The following RABGAP1L variants were observed in gnomAD, a reference collection of about 807,000 sequenced individuals.
RABGAP1L encodes RAB GTPase activating protein 1 like, also known as rab GTPase-activating protein 1-like.
In RABGAP1L, 63 loss-of-function variants were observed where a neutral mutation model predicts 137.7. The observed-to-expected ratio is 0.46, with a 90% CI of 0.37 to 0.56. The LOEUF is 0.56. Ranked by LOEUF, RABGAP1L falls within the 20% of genes least tolerant of loss-of-function variation. The probability of loss-of-function intolerance (pLI) is 0.00; values close to 1 mark genes in which losing one functional copy is unlikely to be tolerated. For synonymous variants in RABGAP1L, 431 were observed against 433.7 expected, an observed-to-expected ratio of 0.99 and a Z score of 0.08; for missense variants, 1,095 against 1,244.0, an observed-to-expected ratio of 0.88 and a Z score of 1.80.
chr1:174,711,369 G>A (rs891338780), intron 17 of RABGAP1L, among the ~76,000 whole-genome samples: 2 of 152,122 alleles, frequency 1.3e-5, no homozygotes, highest in Non-Finnish European at 2.9e-5. Context: ...GTGAGTGAGG[G>A]CTGCCGGCAC....
At chr1:174,326,442 C>G (rs1283723167) in intron 11 of RABGAP1L, among the ~76,000 whole-genome samples, 3 of 152,060 alleles carry the variant, frequency 2.0e-5, no homozygotes, top group Non-Finnish European at 2.9e-5. Flanking sequence ...GCATCACCAG[C>G]AGAATTCATC....
chr1:174,569,975 T>C (rs755739937), intron 13 of RABGAP1L, among the ~76,000 whole-genome samples: 15 of 152,206 alleles, frequency 9.9e-5, no homozygotes, highest in Non-Finnish European at 1.6e-4. Flanking sequence ...AAAAATGATA[T>C]CTAACTTTAA....
chr1:174,559,143 T>G (rs1667056991), intron 13 of RABGAP1L, among the ~76,000 whole-genome samples: 1 of 152,216 alleles, frequency 6.6e-6, no homozygotes, highest in South Asian at 2.1e-4. Flanking sequence ...AAATACCATG[T>G]GTTTTATCAT....
At chr1:174,900,541 C>T (rs1221030836) in intron 19 of RABGAP1L, among the ~76,000 whole-genome samples, 1 of 152,156 alleles carries the variant, frequency 6.6e-6, no homozygotes, top group African/African-American at 2.4e-5. Context: ...ATTCACATTC[C>T]TGTCATTACT....
chr1:174,708,300 T>C (rs757548958), intron 17 of RABGAP1L, among the ~76,000 whole-genome samples: 1 of 152,088 alleles, frequency 6.6e-6, no homozygotes, highest in East Asian at 1.9e-4. Flanking sequence ...AAAAAACTCA[T>C]CAGAATGAGC....
intron 14 of RABGAP1L, among the ~76,000 whole-genome samples, chr1:174,672,189 G>T (rs1677230947): frequency 6.7e-6 from 1 of 150,346 alleles, no homozygotes; most frequent in African/African-American, 2.4e-5. Context: ...TTTTATCTCT[G>T]ATTTTGAGTC....
intron 11 of RABGAP1L, among the ~76,000 whole-genome samples, chr1:174,350,881 G>C (rs1683102272): frequency 2.9e-5 from 3 of 102,144 alleles, no homozygotes; most frequent in Non-Finnish European, 6.1e-5. Flanking sequence ...TCGCGGTTAG[G>C]GGCTGGAGAC....
intron 17 of RABGAP1L, among the ~76,000 whole-genome samples, chr1:174,719,001 G>A (rs1167233541): frequency 1.3e-5 from 2 of 151,804 alleles, no homozygotes; most frequent in African/African-American, 4.8e-5. Context: ...TACTATGCCT[G>A]GATATTTCTG....
chr1:174,258,809 G>T lies in RABGAP1L; in HGVS notation c.986+6219G>T, dbSNP rs543755186. Among the ~76,000 whole-genome samples, 46 of 151,412 alleles carry T rather than the reference G, an allele frequency of 3.0e-4. 1 individual carries two copies. The East Asian group carries it at 9.0e-3, about 30-fold the overall frequency. ...TGTTTGTTTTTGGTGACAGGACCTCGCTGTGTTGCCCAGACTGGAGTGCAG... is the reference window on the plus strand; with the variant it reads ...TGTTTGTTTTTGGTGACAGGACCTCTCTGTGTTGCCCAGACTGGAGTGCAG... On this transcript the variant is annotated intron_variant, in intron 7 of 25. Coordinates refer to ENST00000681986, the MANE Select transcript of RABGAP1L (RefSeq NM_001366446.1).
chr1:174,896,261 A>T (rs1203876070), intron 19 of RABGAP1L, among the ~76,000 whole-genome samples: 1 of 152,180 alleles, frequency 6.6e-6, no homozygotes, highest in Non-Finnish European at 1.5e-5. Context: ...GTGTCTGTTC[A>T]TATCCTTCAC....
At chr1:174,222,184 G>T (rs1213093072) in intron 3 of RABGAP1L, among the ~76,000 whole-genome samples, 1 of 152,108 alleles carries the variant, frequency 6.6e-6, no homozygotes, top group African/African-American at 2.4e-5. Context: ...GATTGGACCA[G>T]TGAAACCATT....
At chr1:174,928,903 C>T (rs1228948215) in intron 19 of RABGAP1L, among the ~76,000 whole-genome samples, 3 of 152,062 alleles carry the variant, frequency 2.0e-5, no homozygotes, top group Non-Finnish European at 2.9e-5. Context: ...ACAAATATAG[C>T]AGTGATTTTC....
intron 19 of RABGAP1L, among the ~76,000 whole-genome samples, chr1:174,942,515 G>T (rs193249416): frequency 2.0e-4 from 30 of 152,310 alleles, no homozygotes; most frequent in Admixed American, 1.0e-3. Flanking sequence ...GACTGCCTGG[G>T]TTCAAATTAA....
chr1:174,460,541 T>C (rs920549083), intron 13 of RABGAP1L, among the ~76,000 whole-genome samples: 1 of 152,096 alleles, frequency 6.6e-6, no homozygotes, highest in African/African-American at 2.4e-5. Context: ...CTTTTCCACA[T>C]TTAGTATTAT....
intron 11 of RABGAP1L, among the ~76,000 whole-genome samples, chr1:174,347,117 C>CT (rs201530849): frequency 5.9e-5 from 9 of 151,778 alleles, no homozygotes; most frequent in African/African-American, 2.2e-4. Flanking sequence ...AAATTTAATA[C>CT]TTTTTTTTGG....
intron 14 of RABGAP1L, among the ~76,000 whole-genome samples, chr1:174,667,579 C>T (rs1676878765): frequency 6.6e-6 from 1 of 152,168 alleles, no homozygotes; most frequent in African/African-American, 2.4e-5. Context: ...TGCCTTTGTA[C>T]ATGCCCTTTT....
intron 7 of RABGAP1L, among the ~76,000 whole-genome samples, chr1:174,265,329 A>G (rs1398049005): frequency 6.6e-6 from 1 of 152,220 alleles, no homozygotes; most frequent in African/African-American, 2.4e-5. Context: ...GGATTAAACC[A>G]TGTCAGACTT....
rs1171929561 is a variant in RABGAP1L, at chr1:174,481,501, T to G, written c.1710+87356T>G. On this transcript the variant is annotated intron_variant, in intron 13 of 25. Transcript: ENST00000681986. ...GCTCTAAGGCCTGGTTCATAGGCCA[T>G]CTTCCCTTTAAATCTTTGAGCTAAA... 4.6e-5 allele frequency among the ~76,000 whole-genome samples: 7 copies of G among 152,210 alleles called. 1 individual carries two copies. Among genetic ancestry groups the G allele is most frequent in the Admixed American group, 4.6e-4 (7 of 15,268 alleles).
chr1:174,628,362 G>A (rs1035463041), intron 13 of RABGAP1L, among the ~76,000 whole-genome samples: 2 of 152,240 alleles, frequency 1.3e-5, no homozygotes, highest in South Asian at 4.1e-4. Flanking sequence ...GATACAGAAG[G>A]ATGTCTAAAA....
Sources: allele counts gnomAD v4.1 joint callset (sites outside exome capture counted in the v4.1 genomes callset), GRCh38; gene constraint gnomAD v4.1.1; transcripts MANE v1.5; gene names NCBI Gene and HGNC (gene_info 2026-07-23, HGNC 2026-07-21).